The following CPNE1 variants were observed in gnomAD, a reference collection of about 807,000 sequenced individuals.
CPNE1 encodes copine 1, also known as copine-1.
A neutral mutation model predicts 63.2 loss-of-function variants in CPNE1; 58 were observed. That is an observed-to-expected ratio of 0.92 (90% confidence interval 0.74 to 1.14). The LOEUF (loss-of-function observed/expected upper bound fraction) is 1.14, where lower values mean the gene tolerates loss of function less well. CPNE1 is among the 50% of genes most tolerant of loss of function. CPNE1 has a pLI of 0.00. For missense variants in CPNE1, 672 were observed against 661.7 expected (o/e 1.02, Z -0.17); for synonymous variants, 237 against 249.0 (o/e 0.95, Z 0.45).
intron 1 of CPNE1, among the ~76,000 whole-genome samples, chr20:35,635,814 CAT>C (rs2032456440): frequency 6.6e-6 from 1 of 152,316 alleles, no homozygotes; most frequent in East Asian, 1.9e-4. Context: ...CTTGGTCCCT[CAT>C]AGTTTCCATC....
intron 1 of CPNE1, chr20:35,652,345 T>C: frequency 1.5e-6 from 1 of 671,466 alleles, no homozygotes; most frequent in Non-Finnish European, 2.5e-6. Context: ...CATACAGCAA[T>C]GTTTATCCTG....
At chr20:35,655,379 T>C (rs760593591) in intron 1 of CPNE1, 5 of 1,504,424 alleles carry the variant, frequency 3.3e-6, no homozygotes, top group Admixed American at 4.1e-5. Context: ...CAGGTCAGAC[T>C]CCTGTTTATC....
intron 1 of CPNE1, among the ~76,000 whole-genome samples, chr20:35,647,979 C>T (rs183885679): frequency 5.2e-4 from 78 of 151,130 alleles, no homozygotes; most frequent in African/African-American, 1.7e-3. Flanking sequence ...GCAGGAGAAT[C>T]GCTTGAACCC....
chr20:35,627,019 C>T (rs933042429), intron 14 of CPNE1, among the ~76,000 whole-genome samples: 2 of 151,776 alleles, frequency 1.3e-5, no homozygotes, highest in Non-Finnish European at 2.9e-5. Context: ...GAAAGCCCGT[C>T]TCTACTAAAA....
rs777922161 is a variant in CPNE1, at chr20:35,630,749, CA to C, written c.1041del (p.Asp348ThrfsTer10). 1.5e-4 allele frequency: 238 copies of C among 1,613,782 alleles called. No homozygotes were observed. Among genetic ancestry groups the C allele is most frequent in the Admixed American group, 3.3e-5 (2 of 59,984 alleles). ...AAAGAGAGGGAGCTCACCTGCCAGT[CA>C]GGGGGAACCTGGGCCCCAAATCCAA... The part of the protein sequence containing the change: ...PAFGFGAQVP[P>X]DWQVSHEFAL... On this transcript the variant is annotated frameshift_variant, in exon 12 of 16. Transcript: ENST00000397443. LOFTEE classifies it high-confidence loss of function.
rs1179758583 is a variant in CPNE1, at chr20:35,626,322, T to C, written c.1533A>G (p.Ser511=). The C allele has an allele frequency of 6.2e-7, 1 of 1,612,814 alleles. No individual in the cohort carries two copies. Among genetic ancestry groups the C allele is most frequent in the Non-Finnish European group, 8.5e-7 (1 of 1,178,946 alleles). Residue 511 remains serine, a synonymous_variant, in exon 16 of 16, where the codon TCA becomes TCG. Transcript: ENST00000397443. ...GGGCCCAACCCTGGGCCCTGAAGTA[T>C]GAGACCAGTTGTGTGGGCACTTCTG... is the stretch of plus-strand genomic sequence containing the variant. ...VLAEVPTQLV[S]YFRAQGWAPL... is the part of the protein sequence containing the mutation.
Position 35,631,762 on chromosome 20 carries a change from GGTT to G in CPNE1, c.550_552del (p.Asn184del). ...GAGAAACGCTTCCATGTAGGGTTCA[GGTT>G]GTTCTTGATGACCTGAAGGTGGAGG... is the stretch of plus-strand genomic sequence containing the variant. On this transcript the variant is annotated inframe_deletion, in exon 7 of 16. Coordinates refer to ENST00000397443, the MANE Select transcript of CPNE1 (RefSeq NM_152925.3). The G allele has an allele frequency of 6.2e-7, 1 of 1,613,976 alleles. No individual in the cohort carries two copies.
At chr20:35,651,594 A>C (rs999661122) in intron 1 of CPNE1, 23 of 152,198 alleles carry the variant, frequency 1.5e-4, no homozygotes, top group African/African-American at 5.5e-4. Flanking sequence ...AATTTCACAT[A>C]ATCGGGACAG....
intron 1 of CPNE1, among the ~76,000 whole-genome samples, chr20:35,661,081 T>C (rs1401533596): frequency 1.3e-5 from 2 of 152,234 alleles, no homozygotes; most frequent in Admixed American, 6.5e-5. Context: ...TAGAAATTTA[T>C]GATTCTCTTC....
rs1465430338 is a variant in CPNE1, at chr20:35,653,434, T to G, written c.-1+11326A>C. On this transcript the variant is annotated intron_variant, in intron 1 of 15. Coordinates refer to ENST00000397443, the MANE Select transcript of CPNE1 (RefSeq NM_152925.3). ...TCCCTTTTTTCCTTGGGCAGGGGGA[T>G]TTTTCTCAATCTCTCTCATATCTTC... 2.5e-6 allele frequency: 4 copies of G among 1,614,118 alleles called. No individual in the cohort carries two copies. In the South Asian group the frequency reaches 4.4e-5, roughly 18 times the overall value.
At chr20:35,659,137 TCAA>T in intron 1 of CPNE1, 1 of 256,626 alleles carries the variant, frequency 3.9e-6, no homozygotes, top group South Asian at 1.7e-4. Context: ...AGAATGCATA[TCAA>T]AAAAAAAAAA....
chr20:35,648,009 G>C (rs2033243101), intron 1 of CPNE1, among the ~76,000 whole-genome samples: 1 of 150,882 alleles, frequency 6.6e-6, no homozygotes, highest in Non-Finnish European at 1.5e-5. Context: ...AGGTTGCAGT[G>C]AGCCGAGATC....
intron 1 of CPNE1, chr20:35,654,341 G>C: frequency 6.2e-7 from 1 of 1,613,994 alleles, no homozygotes; most frequent in South Asian, 1.1e-5. Context: ...GCATCAACAC[G>C]GAGCCCATGA....
At chr20:35,647,448 T>G (rs2033191511) in intron 1 of CPNE1, 1 of 152,116 alleles carries the variant, frequency 6.6e-6, no homozygotes, top group Admixed American at 6.5e-5. Flanking sequence ...ACATTTTCAC[T>G]GGAAGGAGGT....
Position 35,626,658 on chromosome 20 carries a change from A to C in CPNE1, c.1382T>G (p.Leu461Arg). 1 of 1,614,190 alleles carries C rather than the reference A, an allele frequency of 6.2e-7. No individual in the cohort carries two copies. Residue 461 changes from leucine (L) to arginine (R), a missense_variant, in exon 15 of 16, where the codon CTG becomes CGG. Physicochemically the swap from Leu to Arg is moderately radical, Grantham distance 102. Coordinates refer to ENST00000397443, the MANE Select transcript of CPNE1 (RefSeq NM_152925.3). The part of the protein sequence containing the change: ...GGADFEAMEQ[L>R]DADGGPLHTR... ...ATGCAGGGGTCCACCATCAGCGTCC[A>C]GCTGCTCCATGGCCTCAAAGTCAGC...
At chr20:35,654,603 G>C in intron 1 of CPNE1, 1 of 1,614,188 alleles carries the variant, frequency 6.2e-7, no homozygotes, top group Non-Finnish European at 8.5e-7. Context: ...TGCCCGACAT[G>C]GGTGGCAGTG....
At chr20:35,642,607 A>C (rs1275517880) in intron 1 of CPNE1, among the ~76,000 whole-genome samples, 1 of 152,216 alleles carries the variant, frequency 6.6e-6, no homozygotes, top group Admixed American at 6.5e-5. Flanking sequence ...AAGGACATGG[A>C]GAAGGTAGAC....
chr20:35,660,764 A>C (rs62211674), intron 1 of CPNE1, among the ~76,000 whole-genome samples: 123 of 152,328 alleles, frequency 8.1e-4, no homozygotes, highest in African/African-American at 1.6e-3. Context: ...CCAATTCAAA[A>C]GGTCAGGTAT....
At chr20:35,659,308 T>C (rs1036661699) in intron 1 of CPNE1, among the ~76,000 whole-genome samples, 1 of 152,196 alleles carries the variant, frequency 6.6e-6, no homozygotes, top group African/African-American at 2.4e-5. Flanking sequence ...AAGCTCAGCT[T>C]CACAGCTAAT....
Sources: gnomAD v4.1 joint callset for allele counts (sites outside exome capture counted in the v4.1 genomes callset) on GRCh38, gnomAD v4.1.1 for gene constraint, MANE v1.5 for transcripts, NCBI Gene and HGNC (gene_info 2026-07-23, HGNC 2026-07-21) for gene names.